The following TSNAX variants were observed in gnomAD, a reference collection of about 807,000 sequenced individuals.
TSNAX encodes the protein translin associated factor X.
A neutral mutation model predicts 33.0 loss-of-function variants in TSNAX; 12 were observed. The ratio of observed to expected loss-of-function variants is 0.36; its 90% confidence interval spans 0.23 to 0.59. The LOEUF (loss-of-function observed/expected upper bound fraction) is 0.59, where lower values mean the gene tolerates loss of function less well. Ranked by LOEUF, TSNAX falls within the 20% of genes least tolerant of loss-of-function variation. The pLI is 0.74. For synonymous variants in TSNAX, 110 were observed against 117.2 expected (o/e 0.94, Z 0.40); for missense variants, 267 against 341.3 (o/e 0.78, Z 1.72).
chr1:231,536,391 T>TA (rs1659173292), intron 2 of TSNAX: 1 of 152,248 alleles, frequency 6.6e-6, no homozygotes, highest in Non-Finnish European at 1.5e-5. Flanking sequence ...ACTTAGTATT[T>TA]AAATGTGATA....
At chr1:231,546,007 A>C (rs115697692) in intron 4 of TSNAX, among the ~76,000 whole-genome samples, 2,076 of 152,202 alleles carry the variant, frequency 0.014, 58 homozygotes, top group African/African-American at 0.047. Flanking sequence ...TATTTTGCTT[A>C]CCCCAAATAC....
intron 4 of TSNAX, chr1:231,554,776 G>A (rs1402457015): frequency 6.6e-6 from 1 of 152,212 alleles, no homozygotes; most frequent in Non-Finnish European, 1.5e-5. Flanking sequence ...AGAAAAATGG[G>A]TATGTTTTAT....
chr1:231,555,257 G>A (rs1349988007), intron 4 of TSNAX, among the ~76,000 whole-genome samples: 2 of 152,150 alleles, frequency 1.3e-5, no homozygotes, highest in Non-Finnish European at 2.9e-5. Flanking sequence ...ATGTTACAAC[G>A]TGGATGAAGC....
chr1:231,552,194 A>G (rs1275665113), intron 4 of TSNAX, among the ~76,000 whole-genome samples: 2 of 151,976 alleles, frequency 1.3e-5, no homozygotes, highest in African/African-American at 4.8e-5. Context: ...CTGAGGCAGG[A>G]GAGAGAATCA....
Position 231,566,244 on chromosome 1 carries a change from TA to T in TSNAX, c.*1341del, listed in dbSNP as rs928371094. 2.0e-5 allele frequency: 3 copies of T among 152,558 alleles called. No individual in the cohort carries two copies. Among genetic ancestry groups the T allele is most frequent in the Non-Finnish European group, 4.4e-5 (3 of 68,016 alleles). The allele number at this position is 152,558 out of a possible 1,614,324, so 9.5% of individuals were successfully genotyped here. A position where few individuals can be genotyped will look rare whatever the true frequency, so the allele number is the denominator to read the frequency against. On this transcript the variant is annotated 3_prime_UTR_variant, in exon 6 of 6. Transcript: ENST00000366639. Reference sequence around the variant, plus strand: ...AGATGTATTATGAACAATTCAGCAATAAGACAATTGTCAACACAGTTGAGAA... The same window carrying T: ...AGATGTATTATGAACAATTCAGCAATAGACAATTGTCAACACAGTTGAGAA...
chr1:231,531,400 C>G (rs1658706364), intron 2 of TSNAX, among the ~76,000 whole-genome samples: 1 of 152,168 alleles, frequency 6.6e-6, no homozygotes, highest in Admixed American at 6.5e-5. Context: ...TAGTAGTGAA[C>G]AAGAAACGTG....
chr1:231,564,913 C>A lies in TSNAX; in HGVS notation c.*8C>A, dbSNP rs111926694. The A allele has an allele frequency of 2.5e-6, 4 of 1,607,792 alleles. No homozygotes were observed. Among genetic ancestry groups the A allele is most frequent in the African/African-American group, 1.3e-5 (1 of 74,666 alleles). ...GAAGAGGGCATTTCTTAGAATCTAA[C>A]GTTACTCAGTTACTAATTCTTTTGA... On this transcript the variant is annotated 3_prime_UTR_variant, in exon 6 of 6. Coordinates refer to ENST00000366639, the MANE Select transcript of TSNAX (RefSeq NM_005999.3).
In TSNAX at chr1:231,564,968, T is replaced by TA; in HGVS notation, c.*64dup. On this transcript the variant is annotated 3_prime_UTR_variant, in exon 6 of 6. Transcript: ENST00000366639. ...TCCTAAGAGACCAATTTGTAAGACTTATTTAGTATTTCATTTAACTTTATT... is the reference window on the plus strand; with the variant it reads ...TCCTAAGAGACCAATTTGTAAGACTTAATTTAGTATTTCATTTAACTTTATT... 6.6e-7 allele frequency: 1 copy of TA among 1,521,540 alleles called. No individual in the cohort carries two copies. Among genetic ancestry groups the TA allele is most frequent in the Admixed American group, 2.1e-5 (1 of 47,614 alleles). 94.3% of individuals were successfully genotyped at this position (1,521,540 alleles called of 1,614,324 possible).
At chr1:231,557,079 A>G (rs549810644) in intron 4 of TSNAX, among the ~76,000 whole-genome samples, 1 of 152,324 alleles carries the variant, frequency 6.6e-6, no homozygotes, top group South Asian at 2.1e-4. Flanking sequence ...AGAATTGGCA[A>G]AACTTGAGAG....
In TSNAX at chr1:231,528,688, C is replaced by T. The variant is rs201291945; in HGVS notation, c.-123C>T. 1.8e-4 allele frequency: 199 copies of T among 1,123,834 alleles called. No individual in the cohort carries two copies. The highest frequency in any genetic ancestry group is 6.2e-4 in the South Asian group (47 of 76,202). 69.6% of individuals were successfully genotyped at this position (1,123,834 alleles called of 1,614,324 possible). On this transcript the variant is annotated 5_prime_UTR_variant, in exon 1 of 6. Coordinates refer to ENST00000366639, the MANE Select transcript of TSNAX (RefSeq NM_005999.3). Reference sequence around the variant, plus strand: ...AGACTTCCGGCCACTGCGTTGTAGTCGGCCCGGCTGCAAAGCGTTTTTCTG... The same window carrying T: ...AGACTTCCGGCCACTGCGTTGTAGTTGGCCCGGCTGCAAAGCGTTTTTCTG...
intron 5 of TSNAX, among the ~76,000 whole-genome samples, chr1:231,563,005 A>T (rs757984637): frequency 3.3e-5 from 5 of 152,170 alleles, no homozygotes; most frequent in African/African-American, 1.2e-4. Context: ...CGTTGCACCA[A>T]ATGGTCTCTG....
intron 2 of TSNAX, among the ~76,000 whole-genome samples, chr1:231,531,317 G>A (rs1658698799): frequency 6.6e-6 from 1 of 152,090 alleles, no homozygotes; most frequent in Admixed American, 6.5e-5. Flanking sequence ...AATGCGTTCT[G>A]ATTTTTCTCT....
At chr1:231,544,623 T>A (rs998662584) in intron 4 of TSNAX, among the ~76,000 whole-genome samples, 1 of 152,244 alleles carries the variant, frequency 6.6e-6, no homozygotes, top group Non-Finnish European at 1.5e-5. Flanking sequence ...TCAGATTTGC[T>A]GTATTTGGCC....
At chr1:231,532,240 A>G (rs116492131) in intron 2 of TSNAX, among the ~76,000 whole-genome samples, 1 of 146,558 alleles carries the variant, frequency 6.8e-6, no homozygotes, top group Non-Finnish European at 1.5e-5. Flanking sequence ...CCCAGGCTGA[A>G]GTGTGCAGTG....
At chr1:231,562,813 G>GT (rs1483670826) in intron 5 of TSNAX, among the ~76,000 whole-genome samples, 1 of 152,174 alleles carries the variant, frequency 6.6e-6, no homozygotes, top group Non-Finnish European at 1.5e-5. Context: ...TGACTTGCCT[G>GT]TTGAGAATAT....
chr1:231,544,301 A>T (rs1659763733), intron 4 of TSNAX, among the ~76,000 whole-genome samples: 1 of 152,194 alleles, frequency 6.6e-6, no homozygotes, highest in African/African-American at 2.4e-5. Flanking sequence ...TAAAGGCAAG[A>T]GTTTGAATAA....
intron 2 of TSNAX, among the ~76,000 whole-genome samples, chr1:231,533,026 A>G (rs906143119): frequency 1.3e-5 from 2 of 151,466 alleles, no homozygotes; most frequent in Non-Finnish European, 2.9e-5. Flanking sequence ...AAAAGCTTAC[A>G]GGTCTGTCAG....
At position 231,562,935 on chromosome 1, in the gene TSNAX, TCAA is replaced by T. The variant is rs1661206968; in HGVS notation, c.496-1591_496-1589del. On this transcript the variant is annotated intron_variant, in intron 5 of 5. Coordinates refer to ENST00000366639, the MANE Select transcript of TSNAX (RefSeq NM_005999.3). ...TAACTAGCTATCATATTCCCATAGC[TCAA>T]CGTCATATTACCTGTGATGTTTCTC... Among the ~76,000 whole-genome samples the T allele has an allele frequency of 2.0e-5, 3 of 152,280 alleles. No individual in the cohort carries two copies. In the South Asian group the frequency reaches 6.2e-4, roughly 32 times the overall value.
At chr1:231,539,710 A>G (rs1219118846) in intron 3 of TSNAX, among the ~76,000 whole-genome samples, 1 of 152,252 alleles carries the variant, frequency 6.6e-6, no homozygotes, top group Non-Finnish European at 1.5e-5. Context: ...GTACCCAAAG[A>G]TAGCCTCTAT....
Sources: allele counts gnomAD v4.1 joint callset (sites outside exome capture counted in the v4.1 genomes callset), GRCh38; gene constraint gnomAD v4.1.1; transcripts MANE v1.5; gene names NCBI Gene and HGNC (gene_info 2026-07-23, HGNC 2026-07-21).